ANKS1B: variants seen among roughly 807,000 people sequenced by gnomAD.
ANKS1B encodes ankyrin repeat and sterile alpha motif domain-containing protein 1B.
A neutral mutation model predicts 148.3 loss-of-function variants in ANKS1B; 36 were observed. That is an observed-to-expected ratio of 0.24 (90% confidence interval 0.19 to 0.32). ANKS1B has a LOEUF of 0.32. Among genes scored for constraint, ANKS1B ranks in the 10% least tolerant of loss-of-function variants. ANKS1B has a pLI of 1.00. For missense variants in ANKS1B, 1,157 were observed against 1,542.6 expected (o/e 0.75, Z 4.19); for synonymous variants, 542 against 560.8 (o/e 0.97, Z 0.47).
intron 8 of ANKS1B, among the ~76,000 whole-genome samples, chr12:99,772,460 T>C (rs2063283932): frequency 1.3e-5 from 2 of 152,118 alleles, no homozygotes; most frequent in Admixed American, 6.6e-5. Context: ...CATAATATTA[T>C]AAAAATATGC....
At chr12:99,410,809 G>A (rs1209020941) in intron 11 of ANKS1B, among the ~76,000 whole-genome samples, 7 of 152,214 alleles carry the variant, frequency 4.6e-5, no homozygotes, top group Non-Finnish European at 7.4e-5. Flanking sequence ...TTCAAGAGCA[G>A]GTACAAAAAC....
At chr12:99,624,430 G>C (rs1484711122) in intron 9 of ANKS1B, among the ~76,000 whole-genome samples, 1 of 151,708 alleles carries the variant, frequency 6.6e-6, no homozygotes, top group East Asian at 1.9e-4. Flanking sequence ...GCTTCTGCAG[G>C]GCAAAAGAAA....
chr12:98,964,227 C>G (rs2099875872), intron 17 of ANKS1B, among the ~76,000 whole-genome samples: 1 of 152,072 alleles, frequency 6.6e-6, no homozygotes, highest in African/African-American at 2.4e-5. Context: ...CAGAGAAATG[C>G]AAATCAAAAC....
intron 9 of ANKS1B, chr12:99,648,578 A>C: frequency 6.2e-7 from 1 of 1,614,170 alleles, no homozygotes; most frequent in African/African-American, 1.3e-5. Flanking sequence ...AACAGCGTAA[A>C]AAAACAGCTC....
At chr12:99,331,439 G>C (rs566405359) in intron 12 of ANKS1B, among the ~76,000 whole-genome samples, 1 of 151,958 alleles carries the variant, frequency 6.6e-6, no homozygotes, top group Admixed American at 6.6e-5. Flanking sequence ...CCAAATCTCC[G>C]TTTCTCTTCT....
intron 17 of ANKS1B, among the ~76,000 whole-genome samples, chr12:98,945,428 G>A (rs1223453860): frequency 6.8e-6 from 1 of 147,512 alleles, no homozygotes; most frequent in Non-Finnish European, 1.5e-5. Flanking sequence ...CCGGAAGGTG[G>A]AGTTTGCAGT....
intron 14 of ANKS1B, among the ~76,000 whole-genome samples, chr12:99,218,917 C>T (rs1257828968): frequency 6.6e-6 from 1 of 152,192 alleles, no homozygotes; most frequent in Non-Finnish European, 1.5e-5. Flanking sequence ...ACCTGCACCT[C>T]CTAACCATTT....
At chr12:99,212,950 A>G (rs1056661196) in intron 14 of ANKS1B, among the ~76,000 whole-genome samples, 4 of 152,228 alleles carry the variant, frequency 2.6e-5, no homozygotes, top group African/African-American at 9.6e-5. Flanking sequence ...TCAAAGATGA[A>G]GGTCCTTTCC....
At chr12:98,874,336 T>G (rs536208979) in intron 17 of ANKS1B, among the ~76,000 whole-genome samples, 39 of 152,320 alleles carry the variant, frequency 2.6e-4, no homozygotes, top group Non-Finnish European at 5.3e-4. Context: ...TTTGATTGCT[T>G]TTCTGATGGA....
intron 8 of ANKS1B, among the ~76,000 whole-genome samples, chr12:99,656,285 T>A (rs1266273482): frequency 6.6e-6 from 1 of 151,984 alleles, no homozygotes; most frequent in Non-Finnish European, 1.5e-5. Flanking sequence ...CTCCTCCCTG[T>A]AGAAACAGAC....
At chr12:99,668,975 G>A (rs982165623) in intron 8 of ANKS1B, among the ~76,000 whole-genome samples, 2 of 151,910 alleles carry the variant, frequency 1.3e-5, no homozygotes, top group African/African-American at 4.8e-5. Context: ...ATCTCTAGAT[G>A]TTTCCTTTGA....
At position 99,859,716 on chromosome 12, in the gene ANKS1B, G is replaced by A. The variant is rs541144127; in HGVS notation, c.135-34327C>T. The stretch of plus-strand genomic sequence containing the variant: ...GGCTGGAGTGCAGTGGCACAATCTC[G>A]GCTCACTGCAACCTCTGCCTCCCAG... On this transcript the variant is annotated intron_variant, in intron 1 of 26. Coordinates refer to ENST00000683438, the MANE Select transcript of ANKS1B (RefSeq NM_001352186.2). Among the ~76,000 whole-genome samples the A allele has an allele frequency of 4.3e-4, 65 of 151,274 alleles. 1 individual carries two copies. Among genetic ancestry groups the A allele is most frequent in the African/African-American group, 1.4e-3 (59 of 41,198 alleles).
At chr12:99,905,760 C>G (rs952234450) in intron 1 of ANKS1B, among the ~76,000 whole-genome samples, 8 of 152,182 alleles carry the variant, frequency 5.3e-5, no homozygotes, top group African/African-American at 1.7e-4. Context: ...ATGTCCTAAT[C>G]TCCTCTTCTT....
At chr12:99,576,016 A>C (rs1439624994) in intron 9 of ANKS1B, among the ~76,000 whole-genome samples, 1 of 152,062 alleles carries the variant, frequency 6.6e-6, no homozygotes, top group African/African-American at 2.4e-5. Flanking sequence ...TCTCACATGC[A>C]ATGACACCGA....
At chr12:99,020,224 C>G (rs1001835833) in intron 17 of ANKS1B, among the ~76,000 whole-genome samples, 3 of 152,104 alleles carry the variant, frequency 2.0e-5, no homozygotes, top group Admixed American at 2.0e-4. Flanking sequence ...CCAGTTGAAA[C>G]TGTACCCATT....
intron 12 of ANKS1B, among the ~76,000 whole-genome samples, chr12:99,275,240 T>C (rs573919772): frequency 2.0e-5 from 3 of 152,322 alleles, no homozygotes; most frequent in African/African-American, 7.2e-5. Context: ...AAATGTACGA[T>C]AAATTAATGT....
intron 14 of ANKS1B, among the ~76,000 whole-genome samples, chr12:99,188,873 C>T (rs112129242): frequency 3.2e-4 from 48 of 152,094 alleles, no homozygotes; most frequent in African/African-American, 8.7e-4. Flanking sequence ...GACAGAGACA[C>T]GAAATACCCT....
intron 17 of ANKS1B, among the ~76,000 whole-genome samples, chr12:98,970,198 A>G (rs192901904): frequency 6.6e-6 from 1 of 152,060 alleles, no homozygotes; most frequent in East Asian, 1.9e-4. Flanking sequence ...TTTTTTCTTT[A>G]TGATAGTTTT....
chr12:98,972,550 C>T (rs1174040476), intron 17 of ANKS1B, among the ~76,000 whole-genome samples: 1 of 152,182 alleles, frequency 6.6e-6, no homozygotes, highest in Non-Finnish European at 1.5e-5. Flanking sequence ...CTGCACACAG[C>T]TAGTGAGTGG....
Sources: gnomAD v4.1 joint callset for allele counts (sites outside exome capture counted in the v4.1 genomes callset) on GRCh38, gnomAD v4.1.1 for gene constraint, MANE v1.5 for transcripts, NCBI Gene and HGNC (gene_info 2026-07-23, HGNC 2026-07-21) for gene names.